The following HMCN1 variants were observed in gnomAD, a reference collection of about 807,000 sequenced individuals.
The protein encoded by HMCN1 is hemicentin 1.
Under a neutral mutation model 625.9 loss-of-function variants are expected in HMCN1, and 321 were observed. That is an observed-to-expected ratio of 0.51 (90% CI 0.47 to 0.56). HMCN1 has a LOEUF of 0.56. HMCN1 is among the 20% of genes least tolerant of loss of function. The probability of loss-of-function intolerance (pLI) is 0.00; values close to 1 mark genes in which losing one functional copy is unlikely to be tolerated. For missense variants in HMCN1, 6,588 were observed against 6,887.3 expected, an observed-to-expected ratio of 0.96 and a Z score of 1.54; for synonymous variants, 2,425 against 2,417.6, an observed-to-expected ratio of 1.00 and a Z score of -0.09.
At chr1:186,051,880 A>G (rs1426554533) in intron 42 of HMCN1, among the ~76,000 whole-genome samples, 1 of 151,994 alleles carries the variant, frequency 6.6e-6, no homozygotes, top group Non-Finnish European at 1.5e-5. Flanking sequence ...TGAGAGCAAA[A>G]AGAACAGAGA....
At chr1:186,050,344 G>A (rs1458514193) in intron 42 of HMCN1, among the ~76,000 whole-genome samples, 1 of 151,826 alleles carries the variant, frequency 6.6e-6, no homozygotes, top group Non-Finnish European at 1.5e-5. Context: ...ACATAAGGTT[G>A]CAATGAAATC....
rs373157669 is a variant in HMCN1, at chr1:185,925,116, C to T, written c.1355C>T (p.Ser452Phe). 46 of 1,613,700 alleles carry T rather than the reference C, an allele frequency of 2.9e-5. No individual in the cohort carries two copies. Among genetic ancestry groups the T allele is most frequent in the Non-Finnish European group, 3.5e-5 (41 of 1,179,778 alleles). Residue 452 changes from serine (S) to phenylalanine (F), a missense_variant, in exon 9 of 107, where the codon TCT (serine) becomes TTT (phenylalanine). By Grantham distance (155) the Ser-to-Phe change is radical. Coordinates refer to ENST00000271588, the MANE Select transcript of HMCN1 (RefSeq NM_031935.3). ...YYLQPGQIPC[S>F]VDSLLPFTLS... ...CTGCAGCCGGGCCAAATTCCCTGCT[C>T]TGTTGACAGTCTTTTGCCCTTTACC...
At chr1:185,769,957 T>G (rs1656127487) in intron 1 of HMCN1, among the ~76,000 whole-genome samples, 1 of 152,190 alleles carries the variant, frequency 6.6e-6, no homozygotes, top group Non-Finnish European at 1.5e-5. Flanking sequence ...TTTCACCATA[T>G]TCTGTTGGTC....
intron 1 of HMCN1, among the ~76,000 whole-genome samples, chr1:185,774,077 A>G (rs961485385): frequency 1.3e-5 from 2 of 152,182 alleles, no homozygotes; most frequent in East Asian, 1.9e-4. Context: ...TTTGTTCCAT[A>G]CTATAGAATA....
intron 64 of HMCN1, among the ~76,000 whole-genome samples, chr1:186,091,967 G>A (rs1998088): frequency 0.63 from 95,115 of 151,684 alleles, 31,792 homozygotes; most frequent in African/African-American, 0.88. Context: ...AATAACAAGT[G>A]TTTAATTATT....
chr1:185,744,629 C>T (rs951659758), intron 1 of HMCN1, among the ~76,000 whole-genome samples: 21 of 152,180 alleles, frequency 1.4e-4, no homozygotes, highest in African/African-American at 5.1e-4. Flanking sequence ...TACTATGCTA[C>T]CTTTTATAGC....
At chr1:185,982,652 G>A (rs1651726599) in intron 18 of HMCN1, among the ~76,000 whole-genome samples, 1 of 151,758 alleles carries the variant, frequency 6.6e-6, no homozygotes, top group African/African-American at 2.4e-5. Context: ...CGTTTGCCAG[G>A]CTGGTCTCAA....
At chr1:185,927,741 G>A (rs1335419670) in intron 9 of HMCN1, among the ~76,000 whole-genome samples, 1 of 151,968 alleles carries the variant, frequency 6.6e-6, no homozygotes, top group Non-Finnish European at 1.5e-5. Context: ...ATTTTTTTAA[G>A]GTTATAAGTA....
At chr1:185,989,242 G>A (rs984550835) in intron 20 of HMCN1, among the ~76,000 whole-genome samples, 3 of 151,950 alleles carry the variant, frequency 2.0e-5, no homozygotes, top group Non-Finnish European at 2.9e-5. Flanking sequence ...TGATCTGCCC[G>A]CCTTGGCCTC....
rs1661069417 is a variant in HMCN1, at chr1:186,115,090, TC to T, written c.11404+146del. On this transcript the variant is annotated intron_variant, in intron 74 of 106. Transcript: ENST00000271588. ...TATGAATAGCAAGCCCCAAGTTTTC[TC>T]CTTAGTATAGTTAATATCATCACAG... is the stretch of plus-strand genomic sequence containing the variant. The T allele has an allele frequency of 2.8e-6, 4 of 1,413,016 alleles. No individual in the cohort carries two copies. In the East Asian group the frequency reaches 9.1e-5, roughly 32 times the overall value. The allele number at this position is 1,413,016 out of a possible 1,614,324, so 87.5% of individuals were successfully genotyped here.
chr1:185,925,715 A>C (rs1667242745), intron 9 of HMCN1, among the ~76,000 whole-genome samples: 1 of 152,214 alleles, frequency 6.6e-6, no homozygotes, highest in Non-Finnish European at 1.5e-5. Context: ...CCTAAAATTC[A>C]GAGTAAGGGG....
chr1:185,835,364 A>T (rs1343119017), intron 1 of HMCN1, among the ~76,000 whole-genome samples: 1 of 151,474 alleles, frequency 6.6e-6, no homozygotes, highest in African/African-American at 2.4e-5. Flanking sequence ...TATGTGCCAC[A>T]GCTCATTGGT....
rs768236429 is a variant in HMCN1 at position 186,189,495 on chromosome 1, A to C, written c.16542-17A>C. ...TTCCAGATAACTATGTGTATTTGAT[A>C]TGTTTGTTGTCCTTAGGTTCTGCCT... is the stretch of plus-strand genomic sequence containing the variant. On this transcript the variant is annotated splice_polypyrimidine_tract_variant and intron_variant, in intron 106 of 106. Coordinates refer to ENST00000271588, the MANE Select transcript of HMCN1 (RefSeq NM_031935.3). 36 of 1,612,144 alleles carry C rather than the reference A, an allele frequency of 2.2e-5. No homozygotes were observed. Among genetic ancestry groups the C allele is most frequent in the Non-Finnish European group, 3.1e-5 (36 of 1,179,412 alleles).
chr1:186,148,915 A>G (rs190575907), intron 93 of HMCN1, among the ~76,000 whole-genome samples: 13 of 151,048 alleles, frequency 8.6e-5, no homozygotes, highest in African/African-American at 3.2e-4. Context: ...GTCAGTGGGC[A>G]GTAATACTTT....
At chr1:186,070,882 C>A in intron 52 of HMCN1, 125 bp downstream of exon 52, 1 of 971,212 alleles carries the variant, frequency 1.0e-6, no homozygotes, top group Non-Finnish European at 1.6e-6. Context: ...TAGCAAATGC[C>A]ATGCTCCTAG....
chr1:186,028,726 T>TA lies in HMCN1; in HGVS notation c.5749+5573_5749+5574insA, dbSNP rs572247767. The stretch of plus-strand genomic sequence containing the variant: ...TATGTTTTGACATTTCTAAAGCATA[T>TA]TTTTTTTTTTTTTTTTGAGACGGAG... On this transcript the variant is annotated intron_variant, in intron 36 of 106. Coordinates refer to ENST00000271588, the MANE Select transcript of HMCN1 (RefSeq NM_031935.3). 1.9e-3 allele frequency among the ~76,000 whole-genome samples: 37 copies of TA among 19,336 alleles called. No homozygotes were observed. In the African/African-American group the frequency reaches 0.031, roughly 16 times the overall value. The allele number at this position is 19,336 out of a possible 152,430, so 12.7% of individuals were successfully genotyped here.
chr1:185,749,238 G>T (rs1299676865), intron 1 of HMCN1, among the ~76,000 whole-genome samples: 1 of 152,160 alleles, frequency 6.6e-6, no homozygotes, highest in African/African-American at 2.4e-5. Context: ...TAGTATAATT[G>T]TCATTCACAA....
chr1:185,851,409 C>A (rs577859877), intron 2 of HMCN1, among the ~76,000 whole-genome samples: 1 of 151,936 alleles, frequency 6.6e-6, no homozygotes, highest in Non-Finnish European at 1.5e-5. Context: ...ATGGAATTAA[C>A]GTGAGAAAAA....
chr1:185,992,381 C>A (rs1275633408), intron 22 of HMCN1, among the ~76,000 whole-genome samples: 3 of 151,996 alleles, frequency 2.0e-5, no homozygotes, highest in African/African-American at 7.2e-5. Context: ...TTTAAGTTTT[C>A]TTTTTCACAT....
Sources: allele counts gnomAD v4.1 joint callset (sites outside exome capture counted in the v4.1 genomes callset), GRCh38; gene constraint gnomAD v4.1.1; transcripts MANE v1.5; gene names NCBI Gene and HGNC (gene_info 2026-07-23, HGNC 2026-07-21).